Variants in GREB1L observed in about 807,000 individuals in gnomAD.
GREB1L encodes GREB1-like protein.
A neutral mutation model predicts 200.8 loss-of-function variants in GREB1L; 17 were observed. The ratio of observed to expected loss-of-function variants is 0.08; its 90% CI spans 0.06 to 0.13. The LOEUF (loss-of-function observed/expected upper bound fraction) is 0.13. GREB1L is among the 10% of genes least tolerant of loss of function. The pLI is 1.00. For synonymous variants in GREB1L, 789 were observed against 893.0 expected (o/e 0.88, Z 2.08); for missense variants, 1,657 against 2,367.7 (o/e 0.70, Z 6.23).
chr18:21,414,265 G>A (rs897593728), intron 7 of GREB1L, among the ~76,000 whole-genome samples: 2 of 151,962 alleles, frequency 1.3e-5, no homozygotes, highest in Non-Finnish European at 2.9e-5. Context: ...AGCAATAAAA[G>A]TAAAATTGAA....
intron 7 of GREB1L, among the ~76,000 whole-genome samples, chr18:21,426,347 G>A (rs1411617596): frequency 2.0e-5 from 3 of 152,120 alleles, no homozygotes; most frequent in Non-Finnish European, 2.9e-5. Flanking sequence ...ATGAGCCACC[G>A]CGCCCGGCCT....
At chr18:21,293,662 T>A (rs4800577) in intron 1 of GREB1L, among the ~76,000 whole-genome samples, 1 of 152,252 alleles carries the variant, frequency 6.6e-6, no homozygotes, top group Admixed American at 6.5e-5. Flanking sequence ...TAAATATGCC[T>A]GTTTGCCAAT....
rs2037647459 is a variant in GREB1L, at chr18:21,524,179, GA to G, written c.*1359del. On this transcript the variant is annotated 3_prime_UTR_variant, in exon 33 of 33. Coordinates refer to ENST00000424526, the MANE Select transcript of GREB1L (RefSeq NM_001142966.3). ...TTTTACTTGAATCAATCTTGTTTGT[GA>G]CCTGAAACTACTGAGGGGCCTACTA... 6.6e-6 allele frequency: 1 copy of G among 152,064 alleles called. No homozygotes were observed. Among genetic ancestry groups the G allele is most frequent in the Non-Finnish European group, 1.5e-5 (1 of 68,010 alleles). 9.4% of individuals were successfully genotyped at this position (152,064 alleles called of 1,614,324 possible).
chr18:21,335,647 G>A (rs1206047912), intron 1 of GREB1L, among the ~76,000 whole-genome samples: 2 of 150,520 alleles, frequency 1.3e-5, no homozygotes, highest in African/African-American at 4.9e-5. Flanking sequence ...GCTATAATGT[G>A]TTTTGCATTT....
chr18:21,269,728 T>C (rs1489081764), intron 1 of GREB1L, among the ~76,000 whole-genome samples: 1 of 152,224 alleles, frequency 6.6e-6, no homozygotes, highest in African/African-American at 2.4e-5. Context: ...AAAGAATATG[T>C]TATTAATACT....
chr18:21,508,794 A>G, intron 27 of GREB1L: 1 of 594,454 alleles, frequency 1.7e-6, no homozygotes, highest in South Asian at 2.0e-5. Flanking sequence ...CTTTTGCAGA[A>G]TTAACTCTGA....
At chr18:21,301,436 G>A (rs1283396030) in intron 1 of GREB1L, among the ~76,000 whole-genome samples, 1 of 152,110 alleles carries the variant, frequency 6.6e-6, no homozygotes, top group Non-Finnish European at 1.5e-5. Context: ...CCCCTTCCCA[G>A]TTACCCCTTT....
Position 21,440,355 on chromosome 18 carries a change from C to A in GREB1L, c.1036C>A (p.Pro346Thr), listed in dbSNP as rs2033830244. ...TCTCCCCCAACCTGGCTTAGTTGTA[C>A]CTGTCCCTACAGTTCGCCCTCTTTC... Reference protein sequence around the residue: ...SPLPQPGLVVPVPTVRPLSRT... With the variant: ...SPLPQPGLVVTVPTVRPLSRT... The change falls in exon 9 of 33, where the codon CCT (proline) becomes ACT (threonine). Residue 346 changes from proline (P) to threonine (T), a missense_variant. By Grantham distance (38) the Pro-to-Thr change is conservative (BLOSUM62 -1). This residue lies in a region of GREB1L where 289 missense variants were observed against 345.1 expected (regional missense o/e 0.84). Coordinates refer to ENST00000424526, the MANE Select transcript of GREB1L (RefSeq NM_001142966.3). The A allele has an allele frequency of 1.3e-6, 2 of 1,551,676 alleles. No homozygotes were observed. The highest frequency in any genetic ancestry group is 2.7e-5 in the African/African-American group (2 of 73,122).
chr18:21,501,153 T>G (rs1019791375), intron 23 of GREB1L, among the ~76,000 whole-genome samples: 2 of 151,706 alleles, frequency 1.3e-5, no homozygotes, highest in Non-Finnish European at 2.9e-5. Flanking sequence ...TAGCCTTTTT[T>G]AGCTCATTGA....
intron 1 of GREB1L, among the ~76,000 whole-genome samples, chr18:21,297,892 A>T (rs2038555593): frequency 6.6e-6 from 1 of 151,400 alleles, no homozygotes; most frequent in African/African-American, 2.4e-5. Context: ...ATGACCCCCT[A>T]GTTCTTGGTG....
At chr18:21,336,545 T>G (rs2039188074) in intron 1 of GREB1L, among the ~76,000 whole-genome samples, 1 of 152,216 alleles carries the variant, frequency 6.6e-6, no homozygotes, top group African/African-American at 2.4e-5. Flanking sequence ...CTATTAGTAG[T>G]AAAGCAACAG....
At chr18:21,492,754 G>C (rs2036391730) in intron 19 of GREB1L, among the ~76,000 whole-genome samples, 1 of 152,204 alleles carries the variant, frequency 6.6e-6, no homozygotes, top group African/African-American at 2.4e-5. Context: ...TTCCTCAATT[G>C]GTATGAGTAG....
At position 21,438,411 on chromosome 18, in the gene GREB1L, T is replaced by C. The variant is rs8086985; in HGVS notation, c.833-1110T>C. ...CATGTGTGGTGGCTCACACCTGTAA[T>C]CCCAACACTTTGGGAAGCCAAGGTG... On this transcript the variant is annotated intron_variant, in intron 7 of 32. Transcript: ENST00000424526. Among the ~76,000 whole-genome samples the C allele has an allele frequency of 5.3e-4, 80 of 152,228 alleles. 1 individual carries two copies. The highest frequency in any genetic ancestry group is 1.7e-3 in the African/African-American group (72 of 41,542).
In GREB1L at chr18:21,449,578, C is replaced by G. The variant is rs2034415370; in HGVS notation, c.1462C>G (p.Leu488Val). ...GCTGAAAGCTATGCAAGAATTTACT[C>G]TGAGAGAAAGAGCCCTGCAGATAGG... ...IMLKAMQEFT[L>V]RERALQIGAQ... Residue 488 changes from leucine to valine, a missense_variant, in exon 12 of 33, where the codon CTG becomes GTG. By Grantham distance (32) the Leu-to-Val change is conservative (BLOSUM62 1). This residue lies in a region of GREB1L where 289 missense variants were observed against 345.1 expected (regional missense o/e 0.84). Transcript: ENST00000424526. 1 of 1,551,228 alleles carries G rather than the reference C, an allele frequency of 6.4e-7. No homozygotes were observed. The highest frequency in any genetic ancestry group is 2.0e-5 in the Admixed American group (1 of 50,932).
chr18:21,250,249 T>A (rs554028507), intron 1 of GREB1L, among the ~76,000 whole-genome samples: 2 of 152,320 alleles, frequency 1.3e-5, no homozygotes, highest in African/African-American at 4.8e-5. Context: ...TGCACCACAC[T>A]CTCAGATTCT....
intron 17 of GREB1L, among the ~76,000 whole-genome samples, chr18:21,478,140 G>A (rs139480644): frequency 6.3e-4 from 96 of 152,076 alleles, no homozygotes; most frequent in Middle Eastern, 3.4e-3. Flanking sequence ...CCAGCAACTG[G>A]GTTTTTGTTT....
intron 7 of GREB1L, among the ~76,000 whole-genome samples, chr18:21,412,316 G>A (rs141647710): frequency 5.9e-5 from 9 of 152,228 alleles, no homozygotes; most frequent in Non-Finnish European, 5.9e-5. Flanking sequence ...GGGGAGCTGA[G>A]GCAGGAGGAT....
At chr18:21,448,521 G>C (rs561162271) in intron 11 of GREB1L, among the ~76,000 whole-genome samples, 50 of 152,268 alleles carry the variant, frequency 3.3e-4, no homozygotes, top group African/African-American at 1.2e-3. Context: ...CAGAAGTCCA[G>C]CCCATCACCC....
chr18:21,424,507 T>C (rs2032407301), intron 7 of GREB1L, among the ~76,000 whole-genome samples: 1 of 152,128 alleles, frequency 6.6e-6, no homozygotes, highest in South Asian at 2.1e-4. Context: ...AGGCAGAGGT[T>C]ACAGTGAGCC....
Sources: allele counts gnomAD v4.1 joint callset (sites outside exome capture counted in the v4.1 genomes callset), GRCh38; gene constraint gnomAD v4.1.1; regional missense constraint gnomAD v4.1.1; transcripts MANE v1.5; gene names NCBI Gene and HGNC (gene_info 2026-07-23, HGNC 2026-07-21).